DENND6A: variants seen among roughly 807,000 people sequenced by gnomAD.
DENND6A encodes the protein protein DENND6A.
Under a neutral mutation model 95.5 loss-of-function variants are expected in DENND6A, and 43 were observed. That is an observed-to-expected ratio of 0.45 (90% CI 0.35 to 0.58). The LOEUF (loss-of-function observed/expected upper bound fraction) is 0.58. Ranked by LOEUF, DENND6A falls within the 20% of genes least tolerant of loss-of-function variation. DENND6A has a pLI of 0.00. For missense variants in DENND6A, 574 were observed against 736.0 expected (o/e 0.78, Z 2.55); for synonymous variants, 257 against 260.4 (o/e 0.99, Z 0.13).
At position 57,656,378 on chromosome 3, in the gene DENND6A, T is replaced by C. The variant is rs115049800; in HGVS notation, c.818+1302A>G. 4.9e-3 allele frequency among the ~76,000 whole-genome samples: 754 copies of C among 152,338 alleles called. 5 individuals are homozygous for C. Among genetic ancestry groups the C allele is most frequent in the African/African-American group, 0.017 (716 of 41,576 alleles). ...TTCCTTCTTTTTTTTAACTGCTGAA[T>C]AGTATTCCATGTGCATTCATGTATT... On this transcript the variant is annotated intron_variant, in intron 9 of 19. Transcript: ENST00000311128.
chr3:57,685,740 A>ATTT (rs1559833672), intron 1 of DENND6A, among the ~76,000 whole-genome samples: 8 of 148,222 alleles, frequency 5.4e-5, no homozygotes, highest in South Asian at 2.1e-4. Flanking sequence ...TTTTTTTTTA[A>ATTT]AAAAAAATTT....
At chr3:57,666,275 G>A (rs2071523123) in intron 3 of DENND6A, 40 bp from the exon 4 acceptor site, 1 of 1,460,410 alleles carries the variant, frequency 6.8e-7, no homozygotes, top group Non-Finnish European at 9.5e-7. Context: ...GGATAGCTTA[G>A]TATAACATTT....
Position 57,681,288 on chromosome 3 carries a change from AC to A in DENND6A, c.238-8851del, listed in dbSNP as rs1157192596. On this transcript the variant is annotated intron_variant, in intron 1 of 19. Coordinates refer to ENST00000311128, the MANE Select transcript of DENND6A (RefSeq NM_152678.3). Reference sequence around the variant, plus strand: ...ACACCATCCTGGCTAACACAGTGAAACCCCGTCTCTACTAAAAACATAAAAA... The same window carrying A: ...ACACCATCCTGGCTAACACAGTGAAACCCGTCTCTACTAAAAACATAAAAA... Among the ~76,000 whole-genome samples the A allele has an allele frequency of 2.6e-5, 4 of 151,756 alleles. No individual in the cohort carries two copies. In the East Asian group the frequency reaches 7.7e-4, roughly 29 times the overall value.
chr3:57,683,598 ATAGCCCTGGGTAC>A (rs957295296), intron 1 of DENND6A, among the ~76,000 whole-genome samples: 51 of 152,194 alleles, frequency 3.4e-4, no homozygotes, highest in African/African-American at 1.2e-3. Flanking sequence ...AACTCAGAAA[ATAGCCCTGGGTAC>A]TATTATTACA....
chr3:57,681,638 GAAAGAAAGAAAGAAA>G (rs2077167072), intron 1 of DENND6A, among the ~76,000 whole-genome samples: 1 of 128,332 alleles, frequency 7.8e-6, no homozygotes, highest in African/African-American at 2.8e-5. Flanking sequence ...AAAAAAAAAA[GAAAGAAAGAAAGAAA>G]AAAGAAAGAA....
chr3:57,645,788 GAC>G, intron 10 of DENND6A, 32 bp from the exon 11 acceptor site: 1 of 1,532,550 alleles, frequency 6.5e-7, no homozygotes, highest in South Asian at 1.1e-5. Flanking sequence ...TAAAATAAAG[GAC>G]ACAGAAATTA....
intron 1 of DENND6A, among the ~76,000 whole-genome samples, chr3:57,688,412 C>T (rs2153417656): frequency 6.6e-6 from 1 of 152,152 alleles, no homozygotes; most frequent in South Asian, 2.1e-4. Context: ...AAGTGTCCCT[C>T]CTATTGCAGG....
At chr3:57,672,502 G>A in intron 1 of DENND6A, 64 bp from the exon 2 acceptor site, 1 of 1,515,218 alleles carries the variant, frequency 6.6e-7, no homozygotes, top group Non-Finnish European at 9.1e-7. Flanking sequence ...CATATTATAG[G>A]CCAGGCACGG....
intron 1 of DENND6A, among the ~76,000 whole-genome samples, chr3:57,684,404 G>A (rs915468931): frequency 6.7e-5 from 10 of 149,666 alleles, no homozygotes; most frequent in East Asian, 2.0e-4. Flanking sequence ...CAGAGGTTGC[G>A]GTGAGCTGAG....
At chr3:57,692,076 C>G (rs1301103891) in intron 1 of DENND6A, among the ~76,000 whole-genome samples, 2 of 151,614 alleles carry the variant, frequency 1.3e-5, no homozygotes, top group Non-Finnish European at 2.9e-5. Flanking sequence ...ATTAAAAATA[C>G]AAAATTAGCC....
rs547594598 is a variant in DENND6A at position 57,633,109 on chromosome 3, A to G, written c.1353+156T>C. ...TTGAACAGTTAACACTAGAACAGAT[A>G]ATCCAGGTCTCTTGCAAAGGGGTTT... On this transcript the variant is annotated intron_variant, in intron 15 of 19. Transcript: ENST00000311128. Among the ~76,000 whole-genome samples, 153 of 152,314 alleles carry G rather than the reference A, an allele frequency of 1.0e-3. 1 individual carries two copies. Among genetic ancestry groups the G allele is most frequent in the African/African-American group, 3.5e-3 (147 of 41,562 alleles).
chr3:57,628,285 G>A lies in DENND6A; in HGVS notation c.1756C>T (p.His586Tyr), dbSNP rs1426700522. The change falls in exon 20 of 20, where the codon CAC (histidine) becomes TAC (tyrosine). Residue 586 changes from histidine to tyrosine, a missense_variant. His to Tyr is a moderately conservative substitution (Grantham distance 83). Coordinates refer to ENST00000311128, the MANE Select transcript of DENND6A (RefSeq NM_152678.3). ...KPDTMEKLRTHIDAIILALPE... is the reference protein window; with the variant it reads ...KPDTMEKLRTYIDAIILALPE... ...AATGCTAAGATAATGGCATCTATGT[G>A]TGTCCGTAACTTTTCCATAGTGTCA... 5.6e-6 allele frequency: 9 copies of A among 1,614,108 alleles called. No homozygotes were observed. Among genetic ancestry groups the A allele is most frequent in the Admixed American group, 1.7e-5 (1 of 59,994 alleles).
At chr3:57,670,019 CAAA>C (rs780880587) in intron 3 of DENND6A, among the ~76,000 whole-genome samples, 2 of 57,770 alleles carry the variant, frequency 3.5e-5, no homozygotes, top group African/African-American at 7.3e-5. Flanking sequence ...AACTCCATCT[CAAA>C]AAAAAAAAAA....
At chr3:57,630,869 G>A (rs369755522) in intron 16 of DENND6A, 45 bp from the exon 17 acceptor site, 47 of 1,610,380 alleles carry the variant, frequency 2.9e-5, no homozygotes, top group Non-Finnish European at 3.9e-5. Context: ...GAGTGGATAT[G>A]TTCACAGAAG....
At chr3:57,688,667 A>T (rs541764844) in intron 1 of DENND6A, among the ~76,000 whole-genome samples, 24 of 141,396 alleles carry the variant, frequency 1.7e-4, no homozygotes, top group Non-Finnish European at 3.3e-4. Flanking sequence ...AAGAACAGAC[A>T]TGCAAAGACC....
chr3:57,656,674 C>G (rs966674583), intron 9 of DENND6A, among the ~76,000 whole-genome samples: 4 of 151,860 alleles, frequency 2.6e-5, no homozygotes, highest in Admixed American at 2.0e-4. Flanking sequence ...ACAAAAAGGT[C>G]AGCCAGGCGC....
chr3:57,685,177 C>T (rs999099757), intron 1 of DENND6A, among the ~76,000 whole-genome samples: 3 of 151,886 alleles, frequency 2.0e-5, no homozygotes, highest in African/African-American at 7.3e-5. Flanking sequence ...CCTGCCTCTG[C>T]CTCCCAAAGT....
At chr3:57,654,926 CACAA>C (rs2071294381) in intron 9 of DENND6A, 8 of 373,482 alleles carry the variant, frequency 2.1e-5, no homozygotes, top group Non-Finnish European at 2.6e-5. Flanking sequence ...AAAGCACAGT[CACAA>C]ATAAAGCATT....
At chr3:57,691,178 T>G (rs539785483) in intron 1 of DENND6A, among the ~76,000 whole-genome samples, 4 of 152,316 alleles carry the variant, frequency 2.6e-5, no homozygotes, top group African/African-American at 9.6e-5. Flanking sequence ...CAACAACCCA[T>G]TCTTATGCTT....
Sources: allele counts gnomAD v4.1 joint callset (sites outside exome capture counted in the v4.1 genomes callset), GRCh38; gene constraint gnomAD v4.1.1; transcripts MANE v1.5; gene names NCBI Gene and HGNC (gene_info 2026-07-23, HGNC 2026-07-21).